The following CWH43 variants were observed in gnomAD, a reference collection of about 807,000 sequenced individuals.
CWH43 encodes PGAP2-interacting protein.
Under a neutral mutation model 85.7 loss-of-function variants are expected in CWH43, and 91 were observed. The ratio of observed to expected loss-of-function variants is 1.06; its 90% confidence interval spans 0.90 to 1.26. The LOEUF (loss-of-function observed/expected upper bound fraction) is 1.26, where lower values mean the gene tolerates loss of function less well. CWH43 is among the 50% of genes most tolerant of loss of function. The probability of loss-of-function intolerance (pLI) is 0.00; values close to 1 mark genes in which losing one functional copy is unlikely to be tolerated. For missense variants in CWH43, 869 were observed against 839.2 expected (o/e 1.04, Z -0.44); for synonymous variants, 323 against 293.6 (o/e 1.10, Z -1.02).
chr4:48,986,380 G>C lies in CWH43; in HGVS notation c.-50G>C, dbSNP rs1560481442. 4.6e-6 allele frequency: 7 copies of C among 1,532,840 alleles called. No homozygotes were observed. The highest frequency in any genetic ancestry group is 1.2e-5 in the South Asian group (1 of 82,964). 95.0% of individuals were successfully genotyped at this position (1,532,840 alleles called of 1,614,324 possible). A position where few individuals can be genotyped will look rare whatever the true frequency, so the allele number is the denominator to read the frequency against. ...CCTGGGGGCGCAGGGCTAGGGCAGC[G>C]GGCCCGACCCGCACGGCTTTCCTGG... On this transcript the variant is annotated 5_prime_UTR_variant, in exon 1 of 16. Transcript: ENST00000226432.
At chr4:49,061,127 CTGTT>C (rs1268989885) in intron 15 of CWH43, among the ~76,000 whole-genome samples, 5 of 152,044 alleles carry the variant, frequency 3.3e-5, no homozygotes, top group African/African-American at 4.8e-5. Context: ...GAATTCTTAT[CTGTT>C]TGAGCATAAC....
chr4:49,050,809 G>C lies in CWH43; in HGVS notation c.1981G>C (p.Asp661His). The change falls in exon 15 of 16, where the codon GAC becomes CAC. Residue 661 changes from aspartate to histidine, a missense_variant. Physicochemically the swap from Asp to His is moderately conservative, Grantham distance 81. Transcript: ENST00000226432. ...TAGAGACAACCAGAAAGTGGTCATA[G>C]ACCACAGAGAAGTTTCTGAGAAAAT... Reference protein sequence around the residue: ...NYRDNQKVVIDHREVSEKIHF... With the variant: ...NYRDNQKVVIHHREVSEKIHF... 1 of 1,612,772 alleles carries C rather than the reference G, an allele frequency of 6.2e-7. No homozygotes were observed. The highest frequency in any genetic ancestry group is 8.5e-7 in the Non-Finnish European group (1 of 1,179,326).
At chr4:49,020,416 C>CACACACACACACACATAT (rs140534523) in intron 9 of CWH43, among the ~76,000 whole-genome samples, 32,168 of 126,712 alleles carry the variant, frequency 0.25, 5,290 homozygotes, top group Non-Finnish European at 0.33. Context: ...CACACACACA[C>CACACACACACACACATAT]ATATATATAT....
At chr4:49,055,157 T>G (rs1437335585) in intron 15 of CWH43, among the ~76,000 whole-genome samples, 3 of 152,146 alleles carry the variant, frequency 2.0e-5, no homozygotes, top group Non-Finnish European at 4.4e-5. Context: ...ATATATGGCC[T>G]TTGTTATGAT....
intron 14 of CWH43, among the ~76,000 whole-genome samples, chr4:49,049,946 G>T (rs529190055): frequency 4.0e-4 from 61 of 152,266 alleles, no homozygotes; most frequent in African/African-American, 1.4e-3. Context: ...CTACTAGAAT[G>T]AAAGTTCCAT....
intron 15 of CWH43, among the ~76,000 whole-genome samples, chr4:49,060,415 C>T (rs1203934734): frequency 6.6e-6 from 1 of 151,816 alleles, no homozygotes; most frequent in Non-Finnish European, 1.5e-5. Context: ...TTTGCTAGGG[C>T]CGGCTTAGGG....
intron 6 of CWH43, among the ~76,000 whole-genome samples, chr4:49,002,718 T>C (rs2109759288): frequency 6.6e-6 from 1 of 152,350 alleles, no homozygotes; most frequent in South Asian, 2.1e-4. Flanking sequence ...AATCTAGTTC[T>C]CATGCTCATC....
chr4:49,051,086 CATT>C (rs1784782184), intron 15 of CWH43, among the ~76,000 whole-genome samples: 1 of 152,158 alleles, frequency 6.6e-6, no homozygotes, highest in Admixed American at 6.6e-5. Context: ...TCATCATCAT[CATT>C]ATCATCATGA....
intron 9 of CWH43, among the ~76,000 whole-genome samples, chr4:49,023,363 T>C (rs1391209341): frequency 6.6e-6 from 1 of 152,106 alleles, no homozygotes; most frequent in Non-Finnish European, 1.5e-5. Flanking sequence ...CCTTTTGAAG[T>C]TGATTTCCAA....
At chr4:48,997,435 C>T (rs1782849049) in intron 5 of CWH43, among the ~76,000 whole-genome samples, 2 of 152,032 alleles carry the variant, frequency 1.3e-5, no homozygotes, top group South Asian at 2.1e-4. Flanking sequence ...AGAAAGGGAT[C>T]GTTGTTCATT....
Position 49,032,564 on chromosome 4 carries a change from A to G in CWH43, c.1509-2A>G, listed in dbSNP as rs766207268. 1.9e-6 allele frequency: 3 copies of G among 1,613,792 alleles called. No individual in the cohort carries two copies. The African/African-American group carries it at 4.0e-5, about 22-fold the overall frequency. ...CCCATGTCTCTTTTCATTCCAATAC[A>G]GGATTATGGCTTTGTCAAGATACCC... On this transcript the variant is annotated splice_acceptor_variant, in intron 11 of 15. Coordinates refer to ENST00000226432, the MANE Select transcript of CWH43 (RefSeq NM_025087.3). LOFTEE classifies it high-confidence loss of function.
intron 2 of CWH43, among the ~76,000 whole-genome samples, chr4:48,989,685 C>T (rs1239341346): frequency 6.6e-6 from 1 of 152,204 alleles, no homozygotes; most frequent in Non-Finnish European, 1.5e-5. Flanking sequence ...TGGCCTCCCA[C>T]AGTGCTGAGA....
rs1783582888 is a variant in CWH43 at position 49,017,319 on chromosome 4, G to A, written c.1257G>A (p.Leu419=). ...GLRHKAYERK[L]GKVAPTKEVS... ...GGCATAAAGCCTATGAGAGAAAACT[G>A]GGCAAAGTGGTAAGTAATTAAAAAC... The change falls in exon 9 of 16, where the codon CTG becomes CTA. Residue 419 remains leucine (L), a synonymous_variant. Coordinates refer to ENST00000226432, the MANE Select transcript of CWH43 (RefSeq NM_025087.3). 1.2e-6 allele frequency: 2 copies of A among 1,606,062 alleles called. No individual in the cohort carries two copies.
At chr4:49,058,854 G>GT (rs1044298336) in intron 15 of CWH43, among the ~76,000 whole-genome samples, 2 of 152,032 alleles carry the variant, frequency 1.3e-5, no homozygotes, top group African/African-American at 4.8e-5. Flanking sequence ...TCCCTTGAAT[G>GT]TTTTTTCTCT....
At position 48,988,491 on chromosome 4, in the gene CWH43, T is replaced by C; in HGVS notation, c.58T>C (p.Ser20Pro). The C allele has an allele frequency of 6.4e-7, 1 of 1,570,932 alleles. No individual in the cohort carries two copies. The highest frequency in any genetic ancestry group is 8.6e-7 in the Non-Finnish European group (1 of 1,165,788). ...LESLLGCVSW[S>P]LYHDLGPMIY... Reference sequence around the variant, plus strand: ...TTTTTTTGTAGGATGTGTTTCTTGGTCTCTCTACCATGACCTGGGACCGAT... The same window carrying C: ...TTTTTTTGTAGGATGTGTTTCTTGGCCTCTCTACCATGACCTGGGACCGAT... Residue 20 changes from serine (S) to proline (P), a missense_variant, in exon 2 of 16, where the codon TCT becomes CCT. Ser to Pro is a moderately conservative substitution (Grantham distance 74). Transcript: ENST00000226432.
rs12108347 is a variant in CWH43, at chr4:49,061,107, G to A, written c.2022-705G>A. Reference sequence around the variant, plus strand: ...ATTTATTATTTTATTATTATAAAAAGTCTTCTAAGGAATTCTTATCTGTTT... The same window carrying A: ...ATTTATTATTTTATTATTATAAAAAATCTTCTAAGGAATTCTTATCTGTTT... On this transcript the variant is annotated intron_variant, in intron 15 of 15. Coordinates refer to ENST00000226432, the MANE Select transcript of CWH43 (RefSeq NM_025087.3). Among the ~76,000 whole-genome samples the A allele has an allele frequency of 9.7e-3, 1,470 of 152,148 alleles. 17 individuals carry two copies. Among genetic ancestry groups the A allele is most frequent in the African/African-American group, 0.029 (1,222 of 41,532 alleles).
chr4:48,988,686 T>G lies in CWH43; in HGVS notation c.235+18T>G, dbSNP rs1243103356. 6.6e-7 allele frequency: 1 copy of G among 1,510,726 alleles called. No individual in the cohort carries two copies. Among genetic ancestry groups the G allele is most frequent in the East Asian group, 2.3e-5 (1 of 43,416 alleles). The allele number at this position is 1,510,726 out of a possible 1,614,324, so 93.6% of individuals were successfully genotyped here. A position where few individuals can be genotyped will look rare whatever the true frequency, so the allele number is the denominator to read the frequency against. ...CACTATTGGTAAGATTTAAAAGAGTTTCTTTAAGTTGTTTTTTTTAAGTTA... is the reference window on the plus strand; with the variant it reads ...CACTATTGGTAAGATTTAAAAGAGTGTCTTTAAGTTGTTTTTTTTAAGTTA... On this transcript the variant is annotated intron_variant, in intron 2 of 15. Coordinates refer to ENST00000226432, the MANE Select transcript of CWH43 (RefSeq NM_025087.3).
chr4:48,991,493 G>T lies in CWH43; in HGVS notation c.275G>T (p.Arg92Leu), dbSNP rs753694972. The T allele has an allele frequency of 8.1e-6, 13 of 1,613,908 alleles. No individual in the cohort carries two copies. In the Admixed American group the frequency reaches 1.8e-4, roughly 23 times the overall value. Residue 92 changes from arginine to leucine, a missense_variant, in exon 3 of 16, where the codon CGA becomes CTA. Arg to Leu is a moderately radical substitution (Grantham distance 102). Coordinates refer to ENST00000226432, the MANE Select transcript of CWH43 (RefSeq NM_025087.3). The stretch of plus-strand genomic sequence containing the variant: ...TTCCAGGCTCCAAATGCCAAACTTC[G>T]ACTGATGGTTCTTGCGCTTGGGGTG... Reference protein sequence around the residue: ...ASFQAPNAKLRLMVLALGVSS... With the variant: ...ASFQAPNAKLLLMVLALGVSS...
intron 15 of CWH43, among the ~76,000 whole-genome samples, chr4:49,059,422 A>C (rs1057016226): frequency 9.2e-5 from 14 of 152,036 alleles, no homozygotes; most frequent in African/African-American, 2.9e-4. Flanking sequence ...CAAGATGATT[A>C]TTTTGAATTT....
Sources: allele counts gnomAD v4.1 joint callset (sites outside exome capture counted in the v4.1 genomes callset), GRCh38; gene constraint gnomAD v4.1.1; transcripts MANE v1.5; gene names NCBI Gene and HGNC (gene_info 2026-07-23, HGNC 2026-07-21).